POU6F2: variants seen among roughly 807,000 people sequenced by gnomAD.
POU6F2 encodes POU class 6 homeobox 2.
In POU6F2, 31 loss-of-function variants were observed where a neutral mutation model predicts 71.3. The observed-to-expected ratio is 0.43, with a 90% CI of 0.33 to 0.59. The LOEUF is 0.59. Among genes scored for constraint, POU6F2 ranks in the 20% least tolerant of loss-of-function variants. The pLI is 0.04. For missense variants in POU6F2, 783 were observed against 856.8 expected (o/e 0.91, Z 1.07); for synonymous variants, 347 against 355.7 (o/e 0.98, Z 0.27).
At chr7:38,996,035 C>CATTTTTTTTTTT (rs1562659449) in intron 1 of POU6F2, among the ~76,000 whole-genome samples, 1 of 85,390 alleles carries the variant, frequency 1.2e-5, no homozygotes, top group Non-Finnish European at 2.2e-5. Flanking sequence ...AGGGGCTTGG[C>CATTTTTTTTTTT]TTTTTTTTTT....
At chr7:39,425,399 CCTAA>C (rs1313308873) in intron 6 of POU6F2, among the ~76,000 whole-genome samples, 1 of 152,142 alleles carries the variant, frequency 6.6e-6, no homozygotes, top group Non-Finnish European at 1.5e-5. Flanking sequence ...ACCTTGCTAA[CCTAA>C]CTGTCAATGA....
At chr7:39,394,999 G>A (rs1329332411) in intron 5 of POU6F2, among the ~76,000 whole-genome samples, 1 of 152,112 alleles carries the variant, frequency 6.6e-6, no homozygotes, top group Non-Finnish European at 1.5e-5. Flanking sequence ...GCTTCTGTGT[G>A]CAGTTACCCC....
At chr7:39,244,926 AG>A (rs1423509134) in intron 4 of POU6F2, among the ~76,000 whole-genome samples, 1 of 152,216 alleles carries the variant, frequency 6.6e-6, no homozygotes, top group Non-Finnish European at 1.5e-5. Context: ...ATTCAGTAAC[AG>A]CCACGAATAC....
At chr7:38,990,700 A>G (rs1788581672) in intron 1 of POU6F2, among the ~76,000 whole-genome samples, 1 of 152,042 alleles carries the variant, frequency 6.6e-6, no homozygotes, top group African/African-American at 2.4e-5. Flanking sequence ...TATATCTTAT[A>G]TCTTGTACCG....
chr7:39,064,099 G>A (rs1303228425), intron 1 of POU6F2, among the ~76,000 whole-genome samples: 4 of 152,044 alleles, frequency 2.6e-5, no homozygotes, highest in Non-Finnish European at 4.4e-5. Context: ...AAGCCAATTA[G>A]ATATGAAGCA....
intron 2 of POU6F2, among the ~76,000 whole-genome samples, chr7:39,109,191 A>G (rs1424242488): frequency 6.6e-6 from 1 of 152,004 alleles, no homozygotes; most frequent in African/African-American, 2.4e-5. Context: ...GACTACAGAC[A>G]TGTGCTGCCA....
At chr7:38,980,122 T>C (rs1788280552) in intron 1 of POU6F2, among the ~76,000 whole-genome samples, 1 of 152,192 alleles carries the variant, frequency 6.6e-6, no homozygotes, top group South Asian at 2.1e-4. Context: ...ACTCTACAGG[T>C]TAATGACTTC....
chr7:39,196,482 G>A (rs1793789396), intron 2 of POU6F2, among the ~76,000 whole-genome samples: 1 of 152,192 alleles, frequency 6.6e-6, no homozygotes, highest in Non-Finnish European at 1.5e-5. Context: ...TTTGGGCCGG[G>A]CGCAGTGGCT....
intron 1 of POU6F2, among the ~76,000 whole-genome samples, chr7:39,007,576 G>GT (rs1263079458): frequency 1.3e-5 from 2 of 152,086 alleles, no homozygotes; most frequent in Non-Finnish European, 2.9e-5. Context: ...TGCACAATGT[G>GT]CAGGTTAGTT....
intron 2 of POU6F2, among the ~76,000 whole-genome samples, chr7:39,105,117 G>A (rs760460422): frequency 2.5e-4 from 38 of 152,196 alleles, no homozygotes; most frequent in Non-Finnish European, 4.7e-4. Flanking sequence ...ATGGAATCTA[G>A]AAGTCCACCA....
chr7:39,207,714 G>A, intron 4 of POU6F2, 94 bp downstream of exon 4: 4 of 1,189,230 alleles, frequency 3.4e-6, no homozygotes, highest in Non-Finnish European at 3.6e-6. Flanking sequence ...AATGGTGAAT[G>A]TGGTTCAGAG....
At chr7:39,256,945 A>G (rs532256557) in intron 4 of POU6F2, among the ~76,000 whole-genome samples, 2 of 152,366 alleles carry the variant, frequency 1.3e-5, no homozygotes, top group East Asian at 1.9e-4. Context: ...CCAGAAATGT[A>G]AGATCACAGA....
chr7:39,234,862 A>T (rs886271560), intron 4 of POU6F2, among the ~76,000 whole-genome samples: 1 of 152,234 alleles, frequency 6.6e-6, no homozygotes, highest in African/African-American at 2.4e-5. Flanking sequence ...AACTATCCAG[A>T]TAGGGCATCA....
At chr7:39,034,515 A>G (rs1202614874) in intron 1 of POU6F2, 1 of 426,134 alleles carries the variant, frequency 2.3e-6, no homozygotes, top group Non-Finnish European at 4.9e-6. Flanking sequence ...GTCTCTTGAT[A>G]TAATAATGCA....
intron 2 of POU6F2, among the ~76,000 whole-genome samples, chr7:39,091,827 T>C (rs1231757563): frequency 6.6e-6 from 1 of 152,228 alleles, no homozygotes; most frequent in Non-Finnish European, 1.5e-5. Flanking sequence ...AGATTTCACT[T>C]GACCGTTTCA....
At chr7:39,275,150 C>A (rs1402599322) in intron 4 of POU6F2, among the ~76,000 whole-genome samples, 1 of 152,106 alleles carries the variant, frequency 6.6e-6, no homozygotes, top group Non-Finnish European at 1.5e-5. Context: ...ATCTAGAAAA[C>A]CCCATTGTCT....
At chr7:39,343,963 G>C (rs548947383) in intron 5 of POU6F2, among the ~76,000 whole-genome samples, 16 of 152,236 alleles carry the variant, frequency 1.1e-4, no homozygotes, top group Non-Finnish European at 1.9e-4. Flanking sequence ...ACATAAGTGG[G>C]ATAATGATAG....
intron 2 of POU6F2, among the ~76,000 whole-genome samples, chr7:39,170,171 A>T (rs935575567): frequency 6.6e-6 from 1 of 152,186 alleles, no homozygotes; most frequent in Non-Finnish European, 1.5e-5. Flanking sequence ...CTGTCTCAAA[A>T]AATAATAATA....
At chr7:39,185,591 T>G (rs1793516913) in intron 2 of POU6F2, among the ~76,000 whole-genome samples, 1 of 152,056 alleles carries the variant, frequency 6.6e-6, no homozygotes, top group Admixed American at 6.6e-5. Flanking sequence ...AATATTCTAG[T>G]GCTGCCCTGC....
Sources: gnomAD v4.1 joint callset for allele counts (sites outside exome capture counted in the v4.1 genomes callset) on GRCh38, gnomAD v4.1.1 for gene constraint, MANE v1.5 for transcripts, NCBI Gene and HGNC (gene_info 2026-07-23, HGNC 2026-07-21) for gene names.